Variants in UBE2R2 observed in about 807,000 individuals in gnomAD.
UBE2R2 encodes ubiquitin-conjugating enzyme E2 R2.
A neutral mutation model predicts 27.8 loss-of-function variants in UBE2R2; 1 was observed. The ratio of observed to expected loss-of-function variants is 0.04; its 90% CI spans 0.01 to 0.17. The LOEUF (loss-of-function observed/expected upper bound fraction) is 0.17. Ranked by LOEUF, UBE2R2 falls within the 10% of genes least tolerant of loss-of-function variation. UBE2R2 has a pLI of 1.00. For missense variants in UBE2R2, 100 were observed against 291.0 expected (o/e 0.34, Z 4.78); for synonymous variants, 106 against 113.3 (o/e 0.94, Z 0.41).
intron 1 of UBE2R2, among the ~76,000 whole-genome samples, chr9:33,884,397 C>T (rs935221244): frequency 4.0e-5 from 6 of 151,086 alleles, no homozygotes; most frequent in Admixed American, 2.7e-4. Context: ...GATCCTCCCA[C>T]CTCAGCCTCC....
intron 1 of UBE2R2, among the ~76,000 whole-genome samples, chr9:33,855,498 G>A (rs1224105526): frequency 1.3e-5 from 2 of 152,086 alleles, no homozygotes; most frequent in Non-Finnish European, 2.9e-5. Context: ...TACTCTGTTT[G>A]GTTATGTATA....
At chr9:33,904,384 A>C (rs1822307099) in intron 3 of UBE2R2, among the ~76,000 whole-genome samples, 1 of 152,146 alleles carries the variant, frequency 6.6e-6, no homozygotes, top group South Asian at 2.1e-4. Context: ...ACAGCAGTGG[A>C]GATGGCATAG....
At chr9:33,838,540 C>T (rs934816862) in intron 1 of UBE2R2, among the ~76,000 whole-genome samples, 1 of 151,884 alleles carries the variant, frequency 6.6e-6, no homozygotes, top group African/African-American at 2.4e-5. Flanking sequence ...TATGTACATA[C>T]AATAAAATGT....
chr9:33,830,881 A>C (rs1373289664), intron 1 of UBE2R2: 4 of 152,098 alleles, frequency 2.6e-5, no homozygotes, highest in Non-Finnish European at 4.4e-5. Context: ...ATTTAGTAGC[A>C]AACATAGTAA....
chr9:33,869,711 A>C (rs536153504), intron 1 of UBE2R2, among the ~76,000 whole-genome samples: 20 of 152,048 alleles, frequency 1.3e-4, no homozygotes, highest in Non-Finnish European at 2.5e-4. Flanking sequence ...CAGCCTCCCA[A>C]AGTGCTGGGA....
chr9:33,819,397 G>A lies in UBE2R2; in HGVS notation c.177+1463G>A, dbSNP rs140536936. Among the ~76,000 whole-genome samples, 76 of 152,260 alleles carry A rather than the reference G, an allele frequency of 5.0e-4. 1 individual carries two copies. The highest frequency in any genetic ancestry group is 1.7e-3 in the African/African-American group (69 of 41,562). On this transcript the variant is annotated intron_variant, in intron 1 of 4. Transcript: ENST00000263228. ...GTCACTGAGTACCTAGGAAAAGCAC[G>A]TTTTTAGAATATTATGTAAGTGCGG...
At chr9:33,861,178 T>G (rs1821226646) in intron 1 of UBE2R2, among the ~76,000 whole-genome samples, 1 of 150,360 alleles carries the variant, frequency 6.7e-6, no homozygotes, top group Admixed American at 6.6e-5. Context: ...GCCAGGATGG[T>G]CTCGATCTCC....
At chr9:33,865,920 G>A (rs1261965269) in intron 1 of UBE2R2, among the ~76,000 whole-genome samples, 1 of 148,910 alleles carries the variant, frequency 6.7e-6, no homozygotes, top group Non-Finnish European at 1.5e-5. Flanking sequence ...TAACTTCCAC[G>A]TCCCAGGTTC....
Position 33,917,526 on chromosome 9 carries a change from C to A in UBE2R2, c.*289C>A. 3.7e-6 allele frequency: 2 copies of A among 547,622 alleles called. No homozygotes were observed. The highest frequency in any genetic ancestry group is 6.4e-6 in the Non-Finnish European group (2 of 313,592). 33.9% of individuals were successfully genotyped at this position (547,622 alleles called of 1,614,324 possible). A position where few individuals can be genotyped will look rare whatever the true frequency, so the allele number is the denominator to read the frequency against. On this transcript the variant is annotated 3_prime_UTR_variant, in exon 5 of 5. Coordinates refer to ENST00000263228, the MANE Select transcript of UBE2R2 (RefSeq NM_017811.4). ...ATGAACCCAAACTCCCGCCTCACTT[C>A]GTCTCTACAGAATGTTCACAGCAAA...
At chr9:33,843,206 G>A (rs1314009703) in intron 1 of UBE2R2, among the ~76,000 whole-genome samples, 3 of 151,486 alleles carry the variant, frequency 2.0e-5, no homozygotes, top group African/African-American at 7.3e-5. Flanking sequence ...GCGCCATCCC[G>A]CCCAGCTAAT....
intron 2 of UBE2R2, among the ~76,000 whole-genome samples, chr9:33,892,302 G>A (rs1406596657): frequency 6.6e-6 from 1 of 152,134 alleles, no homozygotes. Context: ...GTATTACAAT[G>A]AGAGTTCATA....
intron 1 of UBE2R2, among the ~76,000 whole-genome samples, chr9:33,829,294 TTTAACA>T (rs1820387854): frequency 6.6e-6 from 1 of 152,272 alleles, no homozygotes; most frequent in East Asian, 1.9e-4. Context: ...TAATAGCAAC[TTTAACA>T]TTAAGGGGAG....
chr9:33,889,080 T>C lies in UBE2R2; in HGVS notation c.264+2113T>C, dbSNP rs1024696751. 5.9e-5 allele frequency among the ~76,000 whole-genome samples: 9 copies of C among 152,244 alleles called. No individual in the cohort carries two copies. The East Asian group carries it at 1.2e-3, about 20-fold the overall frequency. ...AAACAATAGTGACTACACTGTTCTGTGTAACAACATTATCTTCCTTTTGTA... is the reference window on the plus strand; with the variant it reads ...AAACAATAGTGACTACACTGTTCTGCGTAACAACATTATCTTCCTTTTGTA... On this transcript the variant is annotated intron_variant, in intron 2 of 4. Transcript: ENST00000263228.
chr9:33,838,603 A>C (rs904824240), intron 1 of UBE2R2, among the ~76,000 whole-genome samples: 1 of 152,066 alleles, frequency 6.6e-6, no homozygotes, highest in South Asian at 2.1e-4. Flanking sequence ...GAACTTCGGG[A>C]GGCTGAGACA....
intron 1 of UBE2R2, among the ~76,000 whole-genome samples, chr9:33,831,415 T>C (rs1820476663): frequency 6.6e-6 from 1 of 152,144 alleles, no homozygotes; most frequent in Non-Finnish European, 1.5e-5. Flanking sequence ...TATGACTTAA[T>C]ACTTTTTGTT....
chr9:33,907,528 A>G (rs894246803), intron 3 of UBE2R2, among the ~76,000 whole-genome samples: 3 of 152,058 alleles, frequency 2.0e-5, no homozygotes, highest in Non-Finnish European at 4.4e-5. Context: ...TGTTGTAATA[A>G]ATGTTAAACA....
rs575962434 is a variant in UBE2R2, at chr9:33,890,878, G to A, written c.264+3911G>A. Among the ~76,000 whole-genome samples, 3 of 152,178 alleles carry A rather than the reference G, an allele frequency of 2.0e-5. No individual in the cohort carries two copies. The East Asian group carries it at 5.8e-4, about 29-fold the overall frequency. ...AGGAATTAAATTTGATGTTGTCAAAGGAATCATAAGAAACTCTTCTCACGT... is the reference window on the plus strand; with the variant it reads ...AGGAATTAAATTTGATGTTGTCAAAAGAATCATAAGAAACTCTTCTCACGT... On this transcript the variant is annotated intron_variant, in intron 2 of 4. Transcript: ENST00000263228.
Position 33,919,992 on chromosome 9 carries a change from CTT to C in UBE2R2, c.*2760_*2761del, listed in dbSNP as rs914000883. On this transcript the variant is annotated 3_prime_UTR_variant, in exon 5 of 5. Transcript: ENST00000263228. ...CCAGAGTTATTTTCTATTAGTCAAA[CTT>C]TTTTGTAGAACCTTCTTTCCCTTAC... 3 of 152,158 alleles carry C rather than the reference CTT, an allele frequency of 2.0e-5. No homozygotes were observed. The highest frequency in any genetic ancestry group is 2.0e-4 in the Admixed American group (3 of 15,276). 9.4% of individuals were successfully genotyped at this position (152,158 alleles called of 1,614,324 possible).
At position 33,917,297 on chromosome 9, in the gene UBE2R2, G is replaced by C; in HGVS notation, c.*60G>C. 1.3e-6 allele frequency: 2 copies of C among 1,598,538 alleles called. No individual in the cohort carries two copies. The highest frequency in any genetic ancestry group is 1.7e-6 in the Non-Finnish European group (2 of 1,173,860). ...TCTCAGGCCAAAGGGAGGGGAGCAA[G>C]TGGGGACCTGGCCATGGCCCCTCAG... On this transcript the variant is annotated 3_prime_UTR_variant, in exon 5 of 5. Transcript: ENST00000263228.
Sources: gnomAD v4.1 joint callset for allele counts (sites outside exome capture counted in the v4.1 genomes callset) on GRCh38, gnomAD v4.1.1 for gene constraint, MANE v1.5 for transcripts, NCBI Gene and HGNC (gene_info 2026-07-23, HGNC 2026-07-21) for gene names.